PDE4DIP: variants seen among roughly 807,000 people sequenced by gnomAD.
PDE4DIP encodes phosphodiesterase 4D interacting protein, also known as myomegalin.
In PDE4DIP, 59 loss-of-function variants were observed where a neutral mutation model predicts 221.4. That is an observed-to-expected ratio of 0.27 (90% confidence interval 0.22 to 0.33). PDE4DIP has a LOEUF of 0.33. PDE4DIP is among the 10% of genes least tolerant of loss of function. The probability of loss-of-function intolerance (pLI) is 1.00; values close to 1 mark genes in which losing one functional copy is unlikely to be tolerated. For synonymous variants in PDE4DIP, 404 were observed against 815.9 expected (o/e 0.50, Z 8.60); for missense variants, 1,036 against 2,154.2 (o/e 0.48, Z 10.28).
At chr1:149,028,438 T>A in intron 40 of PDE4DIP, 122 bp from the exon 44 acceptor site, 1 of 651,518 alleles carries the variant, frequency 1.5e-6, no homozygotes, top group Non-Finnish European at 2.6e-6. Context: ...TGCAAATGGT[T>A]GTGTGAGGGC....
chr1:149,016,884 C>T (rs1553611837), intron 33 of PDE4DIP, among the ~76,000 whole-genome samples: 1 of 152,294 alleles, frequency 6.6e-6, no homozygotes, highest in Non-Finnish European at 1.5e-5. Context: ...GGACTTTCTT[C>T]CATCAGTCAG....
Position 148,892,298 on chromosome 1 carries a change from A to ATT in PDE4DIP, c.141+2417_141+2418dup, listed in dbSNP as rs11394469. ...GCGTGAGCCACTGCGCCCCACCAGGATTTTTTTTTTTTTTAAAGCTGAATC... is the reference window on the plus strand; with the variant it reads ...GCGTGAGCCACTGCGCCCCACCAGGATTTTTTTTTTTTTTTTAAAGCTGAATC... On this transcript the variant is annotated intron_variant, in intron 1 of 43. Transcript: ENST00000369354. Among the ~76,000 whole-genome samples, 3 of 114,152 alleles carry ATT rather than the reference A, an allele frequency of 2.6e-5. 1 individual carries two copies. The highest frequency in any genetic ancestry group is 5.2e-5 in the Non-Finnish European group (3 of 57,636). 74.9% of individuals were successfully genotyped at this position (114,152 alleles called of 152,430 possible).
chr1:148,992,994 G>A (rs74979964), intron 22 of PDE4DIP: 69 of 342,644 alleles, frequency 2.0e-4, no homozygotes, highest in Non-Finnish European at 2.6e-4. Flanking sequence ...TCTGGGATAC[G>A]TCATATTCTC....
At position 148,949,339 on chromosome 1, in the gene PDE4DIP, TAA is replaced by T. The variant is rs2052580020; in HGVS notation, c.637-11314_637-11313del. 2.0e-5 allele frequency among the ~76,000 whole-genome samples: 3 copies of T among 150,138 alleles called. No homozygotes were observed. In the South Asian group the frequency reaches 6.4e-4, roughly 32 times the overall value. ...GATCCCCTTTGAACTTTTGTTTATA[TAA>T]GTTATCTTCTTATATTATATATTTA... On this transcript the variant is annotated intron_variant, in intron 5 of 43. Transcript: ENST00000369354.
At chr1:148,961,494 T>C (rs1482619001) in intron 6 of PDE4DIP, among the ~76,000 whole-genome samples, 2 of 152,186 alleles carry the variant, frequency 1.3e-5, no homozygotes, top group Admixed American at 1.3e-4. Flanking sequence ...CCCTCTCCTA[T>C]GCTAGATAGC....
chr1:148,996,287 G>A (rs2064204304), intron 22 of PDE4DIP, among the ~76,000 whole-genome samples: 1 of 152,232 alleles, frequency 6.6e-6, no homozygotes, highest in African/African-American at 2.4e-5. Context: ...ATGGCAAAGT[G>A]TGTTTTAGTT....
At chr1:148,940,599 T>G (rs1453415564) in intron 5 of PDE4DIP, among the ~76,000 whole-genome samples, 122 of 152,170 alleles carry the variant, frequency 8.0e-4, no homozygotes, top group African/African-American at 2.9e-3. Context: ...TGCACCACCC[T>G]GAGAGCTGAG....
chr1:148,951,509 T>C (rs1196822581), intron 5 of PDE4DIP, among the ~76,000 whole-genome samples: 1 of 152,270 alleles, frequency 6.6e-6, no homozygotes, highest in African/African-American at 2.4e-5. Context: ...TGGCGCGAGC[T>C]GCATTCCCAG....
intron 5 of PDE4DIP, among the ~76,000 whole-genome samples, chr1:148,956,408 TTTC>T (rs2055350934): frequency 6.6e-6 from 1 of 152,158 alleles, no homozygotes; most frequent in Admixed American, 6.5e-5. Context: ...TCTTTGTTCC[TTTC>T]TTATTTATTA....
chr1:148,938,809 G>A (rs1316746769), intron 5 of PDE4DIP, among the ~76,000 whole-genome samples: 1 of 151,526 alleles, frequency 6.6e-6, no homozygotes, highest in Non-Finnish European at 1.5e-5. Context: ...TTTTTTTTGA[G>A]TTGGAGTCTC....
chr1:148,947,980 G>A (rs1217525548), intron 5 of PDE4DIP, among the ~76,000 whole-genome samples: 1 of 151,140 alleles, frequency 6.6e-6, no homozygotes, highest in Middle Eastern at 3.2e-3. Context: ...AAACTCAAGG[G>A]GGTAGGTCCC....
chr1:148,929,074 G>T (rs2762724), intron 1 of PDE4DIP, 123 bp from the exon 5 acceptor site: 1 of 819,326 alleles, frequency 1.2e-6, no homozygotes, highest in Admixed American at 3.0e-5. Flanking sequence ...TATGTCAAGG[G>T]TCACAAAGAG....
chr1:148,820,472 G>A (rs782546162), intron 1 of PDE4DIP, among the ~76,000 whole-genome samples: 2 of 147,384 alleles, frequency 1.4e-5, no homozygotes, highest in African/African-American at 2.6e-5. Context: ...GGAGGCTGAG[G>A]CAGGAGAATC....
intron 1 of PDE4DIP, among the ~76,000 whole-genome samples, chr1:148,846,301 G>A (rs1182573195): frequency 1.1e-5 from 1 of 89,510 alleles, no homozygotes; most frequent in Non-Finnish European, 2.4e-5. Flanking sequence ...AAAATTAGCC[G>A]GGCGTGGTCG....
At chr1:148,985,904 A>T (rs2061830472) in intron 21 of PDE4DIP, 2 of 152,220 alleles carry the variant, frequency 1.3e-5, no homozygotes, top group Admixed American at 6.5e-5. Flanking sequence ...TTTAGTATAT[A>T]ACATGAATAT....
At chr1:148,828,158 C>T (rs373930085) in intron 1 of PDE4DIP, among the ~76,000 whole-genome samples, 415 of 4,182 alleles carry the variant, frequency 0.099, no homozygotes, top group Middle Eastern at 0.17. Context: ...TTTGCACTAC[C>T]ATCCCTAGAT....
intron 37 of PDE4DIP, 99 bp from the exon 41 acceptor site, chr1:149,024,346 G>C (rs2152759434): frequency 1.3e-6 from 1 of 796,668 alleles, no homozygotes; most frequent in East Asian, 2.5e-5. Flanking sequence ...AGACTCAGAT[G>C]ATAGTGGGGT....
chr1:148,934,909 A>G (rs1429647230), intron 4 of PDE4DIP, among the ~76,000 whole-genome samples: 1 of 151,976 alleles, frequency 6.6e-6, no homozygotes, highest in Non-Finnish European at 1.5e-5. Flanking sequence ...CACCATACCC[A>G]GCCCAATGTT....
chr1:148,989,670 C>T (rs1459352672), intron 21 of PDE4DIP, among the ~76,000 whole-genome samples: 1 of 152,170 alleles, frequency 6.6e-6, no homozygotes, highest in Non-Finnish European at 1.5e-5. Context: ...CTACAGGATC[C>T]TTCTCTAGCC....
Sources: gnomAD v4.1 joint callset for allele counts (sites outside exome capture counted in the v4.1 genomes callset) on GRCh38, gnomAD v4.1.1 for gene constraint, MANE v1.5 for transcripts, NCBI Gene and HGNC (gene_info 2026-07-23, HGNC 2026-07-21) for gene names.